SHISA9: variants seen among roughly 807,000 people sequenced by gnomAD.
The protein encoded by SHISA9 is shisa family member 9, also known as protein shisa-9.
In SHISA9, 13 loss-of-function variants were observed where a neutral mutation model predicts 38.0. The observed-to-expected ratio is 0.34, with a 90% confidence interval of 0.22 to 0.54. The LOEUF (loss-of-function observed/expected upper bound fraction) is 0.54. Ranked by LOEUF, SHISA9 falls within the 20% of genes least tolerant of loss-of-function variation. SHISA9 has a pLI of 0.91. For synonymous variants in SHISA9, 275 were observed against 242.0 expected (o/e 1.14, Z -1.27); for missense variants, 538 against 575.8 (o/e 0.93, Z 0.67).
chr16:13,059,633 G>A (rs1280034828), intron 2 of SHISA9, among the ~76,000 whole-genome samples: 1 of 152,178 alleles, frequency 6.6e-6, no homozygotes, highest in Non-Finnish European at 1.5e-5. Context: ...GTTTACCTAT[G>A]TAACAAACCT....
At chr16:13,013,773 G>C (rs918732817) in intron 2 of SHISA9, among the ~76,000 whole-genome samples, 1 of 152,042 alleles carries the variant, frequency 6.6e-6, no homozygotes, top group African/African-American at 2.4e-5. Flanking sequence ...TGTCGCCCAG[G>C]CTGGAGTGCA....
the SHISA9 span, among the ~76,000 whole-genome samples, chr16:13,300,845 TCTCTCCTCTC>T: frequency 0.53 from 69,890 of 132,968 alleles, 18,209 homozygotes; most frequent in Admixed American, 0.6. Context: ...CCTCCCCTCT[TCTCTCCTCTC>T]CTCTCCTCTC....
the SHISA9 span, among the ~76,000 whole-genome samples, chr16:13,339,149 C>G: frequency 6.9e-6 from 1 of 145,150 alleles, no homozygotes; most frequent in South Asian, 2.2e-4. Context: ...TACCGGAGCT[C>G]AATCCCTTAT....
chr16:13,117,294 C>A (rs1414051361), intron 2 of SHISA9, among the ~76,000 whole-genome samples: 1 of 152,072 alleles, frequency 6.6e-6, no homozygotes. Flanking sequence ...AGTTTTTCAA[C>A]ACTCTCAGCT....
chr16:12,911,374 C>T, intron 1 of SHISA9: 1 of 985,384 alleles, frequency 1.0e-6, no homozygotes, highest in Middle Eastern at 5.2e-4. Flanking sequence ...TACATTTTTT[C>T]AGCACATTCC....
intron 2 of SHISA9, among the ~76,000 whole-genome samples, chr16:13,109,641 A>G (rs1338224231): frequency 2.0e-5 from 3 of 152,124 alleles, no homozygotes; most frequent in African/African-American, 7.2e-5. Flanking sequence ...GTGTGAGGAC[A>G]TTTTTTGTCA....
intron 2 of SHISA9, among the ~76,000 whole-genome samples, chr16:12,944,836 G>C (rs1482638699): frequency 6.6e-6 from 1 of 152,102 alleles, no homozygotes; most frequent in Non-Finnish European, 1.5e-5. Flanking sequence ...GCTGAGACAA[G>C]GATATGAGGA....
chr16:12,916,766 C>T lies in SHISA9; in HGVS notation c.642C>T (p.His214=), dbSNP rs1457455674. The change falls in exon 2 of 5, where the codon CAC becomes CAT. Residue 214 remains histidine (H), a synonymous_variant. Coordinates refer to ENST00000558583, the MANE Select transcript of SHISA9 (RefSeq NM_001145204.3). ...AGAGAGACCTAAACATCGTTGTCCACGTCCAGCATTATGAGAACATGGACA... is the reference window on the plus strand; with the variant it reads ...AGAGAGACCTAAACATCGTTGTCCATGTCCAGCATTATGAGAACATGGACA... The part of the protein sequence containing the change: ...HMERDLNIVV[H]VQHYENMDTR... 3.9e-6 allele frequency: 6 copies of T among 1,552,058 alleles called. No homozygotes were observed. Among genetic ancestry groups the T allele is most frequent in the Non-Finnish European group, 5.2e-6 (6 of 1,147,068 alleles).
chr16:12,971,989 A>T (rs1391395604), intron 2 of SHISA9, among the ~76,000 whole-genome samples: 3 of 150,980 alleles, frequency 2.0e-5, no homozygotes, highest in Admixed American at 6.6e-5. Context: ...AATTCTAGAC[A>T]TTGGGGATAT....
chr16:13,176,713 A>G (rs1269242697), intron 2 of SHISA9, among the ~76,000 whole-genome samples: 2 of 151,866 alleles, frequency 1.3e-5, no homozygotes, highest in African/African-American at 4.8e-5. Flanking sequence ...TTTTTCCCCA[A>G]GAAGTAAAAT....
At chr16:13,269,368 C>T in the SHISA9 span, among the ~76,000 whole-genome samples, 3 of 152,326 alleles carry the variant, frequency 2.0e-5, no homozygotes, top group East Asian at 1.9e-4. Context: ...CAATACTTCC[C>T]CTATGGGGGA....
chr16:13,099,531 G>A (rs2073858553), intron 2 of SHISA9, among the ~76,000 whole-genome samples: 3 of 152,036 alleles, frequency 2.0e-5, no homozygotes, highest in Admixed American at 1.3e-4. Flanking sequence ...GCCTTGACTT[G>A]ATGGGGTGGA....
chr16:13,545,979 A>G, the SHISA9 span, among the ~76,000 whole-genome samples: 2 of 152,100 alleles, frequency 1.3e-5, no homozygotes, highest in Non-Finnish European at 2.9e-5. Context: ...TAGGACGTAA[A>G]TTTGGGGCTG....
intron 2 of SHISA9, among the ~76,000 whole-genome samples, chr16:13,028,304 C>T (rs1194846118): frequency 2.6e-5 from 4 of 152,094 alleles, no homozygotes; most frequent in African/African-American, 9.7e-5. Flanking sequence ...AGGTTCTCCC[C>T]AGGAAGTGAT....
At chr16:13,328,589 TATACACACAC>T in the SHISA9 span, among the ~76,000 whole-genome samples, 2 of 90,402 alleles carry the variant, frequency 2.2e-5, no homozygotes, top group South Asian at 4.5e-4. Flanking sequence ...AATATATGTG[TATACACACAC>T]ACACACACAC....
At chr16:13,328,588 G>GTA in the SHISA9 span, among the ~76,000 whole-genome samples, 609 of 102,960 alleles carry the variant, frequency 5.9e-3, 6 homozygotes, top group African/African-American at 0.023. Context: ...AAATATATGT[G>GTA]TATACACACA....
intron 1 of SHISA9, among the ~76,000 whole-genome samples, chr16:12,906,310 A>G (rs967497925): frequency 1.3e-5 from 2 of 152,178 alleles, no homozygotes; most frequent in African/African-American, 4.8e-5. Flanking sequence ...CCCATTATAA[A>G]CTTTGCCCCT....
the SHISA9 span, among the ~76,000 whole-genome samples, chr16:13,481,884 C>T: frequency 6.6e-6 from 1 of 152,178 alleles, no homozygotes; most frequent in Non-Finnish European, 1.5e-5. Context: ...GTAGATATCT[C>T]ATTAAGAGAG....
the SHISA9 span, among the ~76,000 whole-genome samples, chr16:13,365,606 AC>A: frequency 6.6e-6 from 1 of 151,740 alleles, no homozygotes; most frequent in East Asian, 1.9e-4. Context: ...ACAGGCACGT[AC>A]CACCACGCCT....
Sources: allele counts gnomAD v4.1 joint callset (sites outside exome capture counted in the v4.1 genomes callset), GRCh38; gene constraint gnomAD v4.1.1; transcripts MANE v1.5; gene names NCBI Gene and HGNC (gene_info 2026-07-23, HGNC 2026-07-21).